TMEM178B: variants seen among roughly 807,000 people sequenced by gnomAD.
TMEM178B encodes the protein transmembrane protein 178B.
A neutral mutation model predicts 31.0 loss-of-function variants in TMEM178B; 5 were observed. The ratio of observed to expected loss-of-function variants is 0.16; its 90% CI spans 0.08 to 0.34. The LOEUF is 0.34. Ranked by LOEUF, TMEM178B falls within the 10% of genes least tolerant of loss-of-function variation. TMEM178B has a pLI of 1.00. For synonymous variants in TMEM178B, 164 were observed against 164.0 expected, an observed-to-expected ratio of 1.00 and a Z score of 0.00; for missense variants, 275 against 400.3, an observed-to-expected ratio of 0.69 and a Z score of 2.67.
At chr7:141,252,117 T>C (rs1797843082) in intron 2 of TMEM178B, among the ~76,000 whole-genome samples, 1 of 152,182 alleles carries the variant, frequency 6.6e-6, no homozygotes, top group Non-Finnish European at 1.5e-5. Flanking sequence ...GAAGTACTAA[T>C]GAGACAGGAA....
intron 1 of TMEM178B, among the ~76,000 whole-genome samples, chr7:141,138,994 AG>A (rs199542961): frequency 6.6e-6 from 1 of 151,844 alleles, no homozygotes; most frequent in Non-Finnish European, 1.5e-5. Context: ...AAAAAAAAAA[AG>A]AAAAAAAAAG....
At chr7:141,345,611 C>T (rs1799605142) in intron 2 of TMEM178B, among the ~76,000 whole-genome samples, 1 of 152,160 alleles carries the variant, frequency 6.6e-6, no homozygotes, top group African/African-American at 2.4e-5. Context: ...TCTCTTTACC[C>T]TGCAATGGGC....
chr7:141,098,831 T>C (rs774013985), intron 1 of TMEM178B, among the ~76,000 whole-genome samples: 1 of 152,232 alleles, frequency 6.6e-6, no homozygotes, highest in Non-Finnish European at 1.5e-5. Flanking sequence ...TCAGAAGTGC[T>C]GTATGTGCAA....
chr7:141,074,321 G>C lies in TMEM178B; in HGVS notation c.11G>C (p.Gly4Ala), dbSNP rs1031857922. The stretch of plus-strand genomic sequence containing the variant: ...CCGCCAAGCGGAGGCATGGCTGCCG[G>C]AAGGTTACTGCTCTACACTGGCCTC... MAA[G>A]RLLLYTGLSL... The change falls in exon 1 of 4, where the codon GGA becomes GCA. Residue 4 changes from glycine to alanine, a missense_variant. Coordinates refer to ENST00000565468, the MANE Select transcript of TMEM178B (RefSeq NM_001195278.2). The surrounding 1 kb of genome is among the most constrained non-coding windows in gnomAD (Gnocchi z 5.1). 6.6e-7 allele frequency: 1 copy of C among 1,518,050 alleles called. No individual in the cohort carries two copies. The highest frequency in any genetic ancestry group is 8.8e-7 in the Non-Finnish European group (1 of 1,134,454). 94.0% of individuals were successfully genotyped at this position (1,518,050 alleles called of 1,614,324 possible).
chr7:141,243,182 C>T (rs1251311471), intron 2 of TMEM178B, among the ~76,000 whole-genome samples: 3 of 152,056 alleles, frequency 2.0e-5, no homozygotes, highest in Non-Finnish European at 4.4e-5. Flanking sequence ...GGGTCATTGA[C>T]TAATGAAGGG....
intron 2 of TMEM178B, among the ~76,000 whole-genome samples, chr7:141,266,988 C>T (rs1227082458): frequency 6.6e-6 from 1 of 152,198 alleles, no homozygotes; most frequent in Non-Finnish European, 1.5e-5. Flanking sequence ...ATGAGGCAAT[C>T]CTTCTGGAGG....
At chr7:141,258,851 T>C (rs565441869) in intron 2 of TMEM178B, among the ~76,000 whole-genome samples, 1 of 152,340 alleles carries the variant, frequency 6.6e-6, no homozygotes, top group South Asian at 2.1e-4. Context: ...TGTTCTCCTA[T>C]ATATATGAGT....
the TMEM178B span, among the ~76,000 whole-genome samples, chr7:141,508,914 C>T: frequency 1.1e-3 from 165 of 152,318 alleles, 1 homozygote; most frequent in Middle Eastern, 6.8e-3. Flanking sequence ...ATATGGATGA[C>T]TCCTTCCGTG....
At chr7:141,317,490 A>C (rs1799025456) in intron 2 of TMEM178B, among the ~76,000 whole-genome samples, 1 of 152,196 alleles carries the variant, frequency 6.6e-6, no homozygotes. Context: ...TAGCGTAAAC[A>C]ACTTAAAACA....
intron 1 of TMEM178B, among the ~76,000 whole-genome samples, chr7:141,201,744 T>C (rs1342268067): frequency 1.3e-5 from 2 of 152,060 alleles, no homozygotes; most frequent in Admixed American, 1.3e-4. Flanking sequence ...ACTTCTGTGC[T>C]CTGTGTTACT....
Position 141,465,890 on chromosome 7 carries a change from G to A in TMEM178B, c.635-4646G>A, listed in dbSNP as rs142355998. On this transcript the variant is annotated intron_variant, in intron 3 of 3. Transcript: ENST00000565468. ...ATTTAAAAATTAGCTGGGCATGGTG[G>A]CATGCACCTGTAGTCCCAGCTACTA... Among the ~76,000 whole-genome samples the A allele has an allele frequency of 1.4e-3, 210 of 152,234 alleles. 1 individual carries two copies. Among genetic ancestry groups the A allele is most frequent in the African/African-American group, 4.9e-3 (205 of 41,542 alleles).
At chr7:141,341,500 C>T (rs1444683515) in intron 2 of TMEM178B, among the ~76,000 whole-genome samples, 2 of 152,186 alleles carry the variant, frequency 1.3e-5, no homozygotes, top group Non-Finnish European at 2.9e-5. Context: ...GCAGCACACT[C>T]ATCTCTCATT....
At chr7:141,116,106 ATTCTCTTTGAAT>A (rs1372963723) in intron 1 of TMEM178B, among the ~76,000 whole-genome samples, 1 of 152,168 alleles carries the variant, frequency 6.6e-6, no homozygotes, top group East Asian at 1.9e-4. Context: ...CACTGACTTC[ATTCTCTTTGAAT>A]TTCTCTTTGA....
chr7:141,438,391 C>T (rs1245484452), intron 3 of TMEM178B, among the ~76,000 whole-genome samples: 1 of 151,974 alleles, frequency 6.6e-6, no homozygotes, highest in Non-Finnish European at 1.5e-5. Context: ...ACAGTGAGTC[C>T]ACTCCTCTTG....
chr7:141,237,329 G>A (rs1331461699), intron 2 of TMEM178B, among the ~76,000 whole-genome samples: 1 of 152,094 alleles, frequency 6.6e-6, no homozygotes, highest in Admixed American at 6.6e-5. Context: ...CTAAAAATTG[G>A]TAATGATCTT....
At chr7:141,241,634 C>G (rs913058986) in intron 2 of TMEM178B, among the ~76,000 whole-genome samples, 1 of 150,496 alleles carries the variant, frequency 6.6e-6, no homozygotes, top group Non-Finnish European at 1.5e-5. Flanking sequence ...GGTTCCTCAG[C>G]TACCAAGGCT....
intron 2 of TMEM178B, among the ~76,000 whole-genome samples, chr7:141,337,164 C>T (rs62642070): frequency 3.2e-5 from 2 of 61,750 alleles, no homozygotes; most frequent in Non-Finnish European, 3.1e-5. Flanking sequence ...ACCATCACCA[C>T]CACCACCACC....
intron 1 of TMEM178B, among the ~76,000 whole-genome samples, chr7:141,136,916 G>C (rs947902751): frequency 6.6e-6 from 1 of 152,104 alleles, no homozygotes. Context: ...CTCAAAAGAA[G>C]ACATGTAAAT....
intron 2 of TMEM178B, among the ~76,000 whole-genome samples, chr7:141,382,925 A>G (rs1800350006): frequency 6.6e-6 from 1 of 152,176 alleles, no homozygotes; most frequent in Non-Finnish European, 1.5e-5. Flanking sequence ...ATCCACAGAA[A>G]CTTCCTTGCC....
Sources: allele counts gnomAD v4.1 joint callset (sites outside exome capture counted in the v4.1 genomes callset), GRCh38; gene constraint gnomAD v4.1.1; non-coding constraint Gnocchi (gnomAD v3.1); transcripts MANE v1.5; gene names NCBI Gene and HGNC (gene_info 2026-07-23, HGNC 2026-07-21).